The following ELAVL4 variants were observed in gnomAD, a reference collection of about 807,000 sequenced individuals.
The protein encoded by ELAVL4 is ELAV like RNA binding protein 4.
A neutral mutation model predicts 35.6 loss-of-function variants in ELAVL4; 1 was observed. That is an observed-to-expected ratio of 0.03 (90% CI 0.01 to 0.13). The LOEUF is 0.13. Ranked by LOEUF, ELAVL4 falls within the 10% of genes least tolerant of loss-of-function variation. The pLI is 1.00. For synonymous variants in ELAVL4, 156 were observed against 171.0 expected (o/e 0.91, Z 0.69); for missense variants, 267 against 464.9 (o/e 0.57, Z 3.91).
At chr1:50,067,493 A>G (rs1375645742) in intron 1 of ELAVL4, among the ~76,000 whole-genome samples, 1 of 152,212 alleles carries the variant, frequency 6.6e-6, no homozygotes, top group Non-Finnish European at 1.5e-5. Flanking sequence ...ATGTATGTAT[A>G]TAAATATGCA....
chr1:50,123,436 A>T (rs1269070542), intron 1 of ELAVL4, among the ~76,000 whole-genome samples: 1 of 152,040 alleles, frequency 6.6e-6, no homozygotes, highest in Non-Finnish European at 1.5e-5. Flanking sequence ...AATACCTGTG[A>T]TCTACTCAGG....
chr1:50,155,858 T>C (rs1181914030), intron 2 of ELAVL4, among the ~76,000 whole-genome samples: 1 of 152,172 alleles, frequency 6.6e-6, no homozygotes, highest in Non-Finnish European at 1.5e-5. Flanking sequence ...CTGTGGAAAC[T>C]GGAACTAGTC....
intron 1 of ELAVL4, among the ~76,000 whole-genome samples, chr1:50,096,708 T>G (rs1392904904): frequency 6.6e-6 from 1 of 152,106 alleles, no homozygotes; most frequent in Non-Finnish European, 1.5e-5. Flanking sequence ...TGAACATTTT[T>G]GAGTAAGTAG....
chr1:50,112,562 C>G (rs1411018226), intron 1 of ELAVL4, among the ~76,000 whole-genome samples: 1 of 151,996 alleles, frequency 6.6e-6, no homozygotes, highest in Non-Finnish European at 1.5e-5. Context: ...ATCAGAATGT[C>G]CATATATCTC....
chr1:50,056,711 C>G (rs1472426888), intron 1 of ELAVL4, among the ~76,000 whole-genome samples: 1 of 152,134 alleles, frequency 6.6e-6, no homozygotes, highest in Admixed American at 6.6e-5. Flanking sequence ...CCAAGTCAGG[C>G]GGATCACGAG....
chr1:50,169,746 C>G (rs543419026), intron 2 of ELAVL4, among the ~76,000 whole-genome samples: 1 of 152,114 alleles, frequency 6.6e-6, no homozygotes, highest in Non-Finnish European at 1.5e-5. Context: ...TCTTCAAAGC[C>G]CAGCTCAAAT....
chr1:50,087,468 T>G (rs1665298095), intron 1 of ELAVL4, among the ~76,000 whole-genome samples: 1 of 152,210 alleles, frequency 6.6e-6, no homozygotes, highest in Non-Finnish European at 1.5e-5. Flanking sequence ...TTTTTTAAAC[T>G]TAGCTAAAAT....
upstream of ELAVL4, chr1:50,103,885 G>A: frequency 6.2e-7 from 1 of 1,605,014 alleles, no homozygotes; most frequent in Non-Finnish European, 8.5e-7. Flanking sequence ...GTGTTCGGAG[G>A]GACTGGTGTG....
At chr1:50,145,593 G>T (rs888605872) in intron 2 of ELAVL4, among the ~76,000 whole-genome samples, 3 of 152,028 alleles carry the variant, frequency 2.0e-5, no homozygotes, top group African/African-American at 7.2e-5. Flanking sequence ...TCTTCCATGT[G>T]CCTGAAACAA....
At position 50,118,516 on chromosome 1, in the gene ELAVL4, A is replaced by G. The variant is rs558968136; in HGVS notation, c.9+9318A>G. On this transcript the variant is annotated intron_variant, in intron 1 of 6. Coordinates refer to ENST00000371824, the MANE Select transcript of ELAVL4 (RefSeq NM_001144774.3). Reference sequence around the variant, plus strand: ...AAGGAAAAAAAAAGAGAGAGAGAGAAAAGAGGAAAACAACCACAAAAGCCT... The same window carrying G: ...AAGGAAAAAAAAAGAGAGAGAGAGAGAAGAGGAAAACAACCACAAAAGCCT... Among the ~76,000 whole-genome samples the G allele has an allele frequency of 5.3e-3, 803 of 151,976 alleles. 5 individuals are homozygous for G. The highest frequency in any genetic ancestry group is 0.017 in the Middle Eastern group (5 of 294).
At chr1:50,104,523 G>A (rs902710596), upstream of ELAVL4, among the ~76,000 whole-genome samples, 2 of 152,184 alleles carry the variant, frequency 1.3e-5, no homozygotes, top group Non-Finnish European at 2.9e-5. Context: ...TAAAGATGAA[G>A]GACATAGTCA....
chr1:50,081,590 A>T (rs752849711), intron 1 of ELAVL4, among the ~76,000 whole-genome samples: 1 of 152,264 alleles, frequency 6.6e-6, no homozygotes, highest in Non-Finnish European at 1.5e-5. Flanking sequence ...TAATGGATGT[A>T]GCCCTTTTGA....
At chr1:50,187,970 C>T (rs1466187161) in intron 3 of ELAVL4, among the ~76,000 whole-genome samples, 4 of 152,154 alleles carry the variant, frequency 2.6e-5, no homozygotes, top group Non-Finnish European at 5.9e-5. Context: ...TGGCGCATGC[C>T]TGTAATCACA....
chr1:50,165,172 G>A (rs1322456521), intron 2 of ELAVL4, among the ~76,000 whole-genome samples: 10 of 152,024 alleles, frequency 6.6e-5, no homozygotes, highest in South Asian at 2.1e-4. Flanking sequence ...TTTGACAAGC[G>A]TGATGATGGA....
intron 2 of ELAVL4, among the ~76,000 whole-genome samples, chr1:50,152,807 A>T (rs1468122042): frequency 6.6e-6 from 1 of 152,200 alleles, no homozygotes; most frequent in African/African-American, 2.4e-5. Flanking sequence ...ATAGGAGAAG[A>T]TATTTCTAGT....
At chr1:50,105,089 G>T (rs923931372), upstream of ELAVL4, among the ~76,000 whole-genome samples, 1 of 150,946 alleles carries the variant, frequency 6.6e-6, no homozygotes, top group East Asian at 1.9e-4. Flanking sequence ...ATTTTTTTTC[G>T]GTGTCTTTAC....
intron 1 of ELAVL4, among the ~76,000 whole-genome samples, chr1:50,062,571 G>A (rs1664046332): frequency 6.6e-6 from 1 of 152,126 alleles, no homozygotes; most frequent in East Asian, 1.9e-4. Flanking sequence ...TTGGGCCCTG[G>A]CCCCTTGAGG....
intron 1 of ELAVL4, among the ~76,000 whole-genome samples, chr1:50,120,511 A>C (rs2148589638): frequency 6.6e-6 from 1 of 152,112 alleles, no homozygotes; most frequent in East Asian, 1.9e-4. Context: ...TTTGACTTTG[A>C]ATTGGTAGCT....
intron 1 of ELAVL4, among the ~76,000 whole-genome samples, chr1:50,112,111 T>C (rs1557713827): frequency 6.6e-6 from 1 of 152,108 alleles, no homozygotes; most frequent in Non-Finnish European, 1.5e-5. Context: ...CGTCTTTTTG[T>C]TTTCTCTTCT....
Sources: gnomAD v4.1 joint callset for allele counts (sites outside exome capture counted in the v4.1 genomes callset) on GRCh38, gnomAD v4.1.1 for gene constraint, MANE v1.5 for transcripts, NCBI Gene and HGNC (gene_info 2026-07-23, HGNC 2026-07-21) for gene names.